SLC36A1: variants seen among roughly 807,000 people sequenced by gnomAD.
SLC36A1 encodes the protein proton-coupled amino acid transporter 1.
A neutral mutation model predicts 47.5 loss-of-function variants in SLC36A1; 30 were observed. The ratio of observed to expected loss-of-function variants is 0.63; its 90% CI spans 0.47 to 0.86. SLC36A1 has a LOEUF of 0.86. Ranked by LOEUF, SLC36A1 falls within the 40% of genes least tolerant of loss-of-function variation. SLC36A1 has a pLI of 0.00. For synonymous variants in SLC36A1, 255 were observed against 249.7 expected (o/e 1.02, Z -0.20); for missense variants, 517 against 606.0 (o/e 0.85, Z 1.54).
chr5:151,449,488 A>G (rs1253173677), intron 1 of SLC36A1, among the ~76,000 whole-genome samples: 1 of 152,138 alleles, frequency 6.6e-6, no homozygotes. Context: ...TGTATCGTTT[A>G]TATTCGCCTG....
chr5:151,545,736 A>T, the SLC36A1 span: 1 of 1,614,080 alleles, frequency 6.2e-7, no homozygotes, highest in Non-Finnish European at 8.5e-7. Context: ...CCAACAAGGA[A>T]TTAGCTTCTT....
the SLC36A1 span, among the ~76,000 whole-genome samples, chr5:151,349,457 C>T: frequency 2.6e-5 from 4 of 152,108 alleles, no homozygotes; most frequent in Admixed American, 6.5e-5. Flanking sequence ...CCCTGGGTTC[C>T]GCTATGGCTC....
chr5:151,548,254 T>C, the SLC36A1 span, among the ~76,000 whole-genome samples: 1 of 152,038 alleles, frequency 6.6e-6, no homozygotes, highest in Non-Finnish European at 1.5e-5. Flanking sequence ...ATTATTTTCT[T>C]CTTGGTTTCT....
the SLC36A1 span, chr5:151,510,057 G>C: frequency 1.2e-6 from 2 of 1,614,078 alleles, no homozygotes; most frequent in African/African-American, 2.7e-5. Context: ...GTTACAGGAA[G>C]CTCCTTTGGG....
chr5:151,411,317 C>G, the SLC36A1 span, among the ~76,000 whole-genome samples: 1 of 144,690 alleles, frequency 6.9e-6, no homozygotes, highest in Admixed American at 6.8e-5. Context: ...ATCTGCTCAG[C>G]AACCATCACC....
At chr5:151,478,069 TATC>T (rs1229004699) in intron 9 of SLC36A1, among the ~76,000 whole-genome samples, 1 of 152,232 alleles carries the variant, frequency 6.6e-6, no homozygotes, top group Non-Finnish European at 1.5e-5. Context: ...GAGTTTTTAT[TATC>T]TATTCATGGA....
At chr5:151,385,005 A>AGT in the SLC36A1 span, among the ~76,000 whole-genome samples, 1 of 95,712 alleles carries the variant, frequency 1.0e-5, no homozygotes, top group African/African-American at 6.7e-5. Flanking sequence ...AGAGAGAGAG[A>AGT]GAGAGTGTGT....
the SLC36A1 span, among the ~76,000 whole-genome samples, chr5:151,426,840 C>G: frequency 6.6e-6 from 1 of 152,208 alleles, no homozygotes; most frequent in Non-Finnish European, 1.5e-5. Flanking sequence ...GTCCCTGCGG[C>G]CTTCCGCAGC....
chr5:151,482,884 A>C (rs1388883437), intron 10 of SLC36A1, among the ~76,000 whole-genome samples: 3 of 152,134 alleles, frequency 2.0e-5, no homozygotes, highest in Admixed American at 2.0e-4. Context: ...ATACAAAAAC[A>C]AAATTAGCCT....
At chr5:151,507,676 G>A in the SLC36A1 span, 1 of 1,415,862 alleles carries the variant, frequency 7.1e-7, no homozygotes, top group Non-Finnish European at 9.5e-7. Flanking sequence ...CCCTCTTACA[G>A]AGATCTATGG....
At chr5:151,369,829 C>T in the SLC36A1 span, among the ~76,000 whole-genome samples, 1 of 151,510 alleles carries the variant, frequency 6.6e-6, no homozygotes, top group East Asian at 1.9e-4. Flanking sequence ...GAGTCTCCCT[C>T]TGTCACCCAG....
At chr5:151,383,918 G>A in the SLC36A1 span, among the ~76,000 whole-genome samples, 3 of 151,958 alleles carry the variant, frequency 2.0e-5, no homozygotes, top group Non-Finnish European at 2.9e-5. Flanking sequence ...TTTAAGGTAC[G>A]TTATTGGTAT....
the SLC36A1 span, among the ~76,000 whole-genome samples, chr5:151,362,976 G>A: frequency 2.6e-4 from 39 of 152,252 alleles, no homozygotes; most frequent in South Asian, 1.2e-3. Context: ...CATGGTTCCC[G>A]TGTACTGTTA....
At position 151,467,864 on chromosome 5, in the gene SLC36A1, C is replaced by T. The variant is rs371466684; in HGVS notation, c.662C>T (p.Ser221Phe). Residue 221 changes from serine to phenylalanine, a missense_variant, in exon 7 of 11, where the codon TCC becomes TTC. By Grantham distance (155) the Ser-to-Phe change is radical. Coordinates refer to ENST00000243389, the MANE Select transcript of SLC36A1 (RefSeq NM_078483.4). Reference protein sequence around the residue: ...IRNLRALSIFSLLANITMLVS... With the variant: ...IRNLRALSIFFLLANITMLVS... ...AACCTCCGAGCCCTGTCCATCTTCTCCCTGTTGGCCAACATCACCATGCTG... is the reference window on the plus strand; with the variant it reads ...AACCTCCGAGCCCTGTCCATCTTCTTCCTGTTGGCCAACATCACCATGCTG... 6 of 1,613,846 alleles carry T rather than the reference C, an allele frequency of 3.7e-6. No individual in the cohort carries two copies. Among genetic ancestry groups the T allele is most frequent in the South Asian group, 3.3e-5 (3 of 91,060 alleles).
At chr5:151,408,842 A>T in the SLC36A1 span, among the ~76,000 whole-genome samples, 161 of 152,286 alleles carry the variant, frequency 1.1e-3, 1 homozygote, top group Non-Finnish European at 2.0e-3. Context: ...GACCTCCAGG[A>T]TATTTATAGC....
chr5:151,545,946 CT>C, the SLC36A1 span: 4 of 1,614,124 alleles, frequency 2.5e-6, no homozygotes, highest in Non-Finnish European at 3.4e-6. Flanking sequence ...GGATTTTCAG[CT>C]GGTAAGACGA....
the SLC36A1 span, among the ~76,000 whole-genome samples, chr5:151,537,430 GAGGAA>G: frequency 2.1e-5 from 2 of 95,050 alleles, no homozygotes; most frequent in Non-Finnish European, 4.0e-5. Flanking sequence ...AAGGAAAGGA[GAGGAA>G]AGGAGAGGGG....
At chr5:151,417,577 C>T in the SLC36A1 span, among the ~76,000 whole-genome samples, 1 of 152,140 alleles carries the variant, frequency 6.6e-6, no homozygotes, top group African/African-American at 2.4e-5. Context: ...TTTAGGGTAT[C>T]TGGTGGAAGA....
the SLC36A1 span, chr5:151,529,166 G>A: frequency 6.2e-7 from 1 of 1,612,200 alleles, no homozygotes; most frequent in Non-Finnish European, 8.5e-7. Flanking sequence ...GAGCAAGGTG[G>A]CAGATCCTTA....
Sources: gnomAD v4.1 joint callset for allele counts (sites outside exome capture counted in the v4.1 genomes callset) on GRCh38, gnomAD v4.1.1 for gene constraint, MANE v1.5 for transcripts, NCBI Gene and HGNC (gene_info 2026-07-23, HGNC 2026-07-21) for gene names.